Variants in C9 observed in about 807,000 individuals in gnomAD.
C9 encodes the protein complement component C9.
C9 carries 63 observed loss-of-function variants against 65.4 expected under a neutral mutation model. That is an observed-to-expected ratio of 0.96 (90% CI 0.79 to 1.19). The LOEUF is 1.19. Ranked by LOEUF, C9 falls within the 50% of genes most tolerant of loss-of-function variation. The pLI is 0.00. For synonymous variants in C9, 229 were observed against 227.9 expected (o/e 1.00, Z -0.04); for missense variants, 744 against 670.1 (o/e 1.11, Z -1.22).
At chr5:39,301,164 C>A (rs1298579958) in intron 9 of C9, among the ~76,000 whole-genome samples, 1 of 152,082 alleles carries the variant, frequency 6.6e-6, no homozygotes, top group Non-Finnish European at 1.5e-5. Context: ...TAATATGATG[C>A]ACTGAGAATA....
chr5:39,351,341 T>C (rs895644895), intron 1 of C9, among the ~76,000 whole-genome samples: 2 of 152,232 alleles, frequency 1.3e-5, no homozygotes, highest in Non-Finnish European at 2.9e-5. Flanking sequence ...TTGTCTTGGC[T>C]ATTAACATTT....
chr5:39,306,629 G>A lies in C9; in HGVS notation c.1404C>T (p.Leu468=), dbSNP rs779890931. Residue 468 remains leucine (L), a synonymous_variant, in exon 9 of 11, where the codon CTC becomes CTT. Coordinates refer to ENST00000263408, the MANE Select transcript of C9 (RefSeq NM_001737.5). The part of the protein sequence containing the change: ...WASSINDAPV[L]ISQKLSPIYN... ...ACACGTTTCTTACTTTTTGACTAAT[G>A]AGAACAGGAGCATCATTTATGGAAG... 1 of 1,612,806 alleles carries A rather than the reference G, an allele frequency of 6.2e-7. No homozygotes were observed. Among genetic ancestry groups the A allele is most frequent in the South Asian group, 1.1e-5 (1 of 91,060 alleles).
At chr5:39,351,467 C>T (rs1754320745) in intron 1 of C9, among the ~76,000 whole-genome samples, 1 of 152,150 alleles carries the variant, frequency 6.6e-6, no homozygotes, top group Non-Finnish European at 1.5e-5. Flanking sequence ...TTACACATTC[C>T]TTCCCATTTA....
At chr5:39,325,360 A>T (rs550445063) in intron 5 of C9, among the ~76,000 whole-genome samples, 3 of 152,242 alleles carry the variant, frequency 2.0e-5, no homozygotes, top group East Asian at 3.9e-4. Context: ...CATCTCTATT[A>T]TCTATAGAAT....
chr5:39,354,355 T>TTAAAAA (rs1754377882), intron 1 of C9, among the ~76,000 whole-genome samples: 2 of 152,164 alleles, frequency 1.3e-5, no homozygotes, highest in Non-Finnish European at 2.9e-5. Flanking sequence ...AAAATAGGAA[T>TTAAAAA]TGTAAAATTG....
intron 9 of C9, among the ~76,000 whole-genome samples, chr5:39,302,757 A>AG (rs1435966199): frequency 6.6e-6 from 1 of 152,156 alleles, no homozygotes; most frequent in Non-Finnish European, 1.5e-5. Flanking sequence ...TCATGCCAGG[A>AG]GGACCCATCC....
chr5:39,305,945 G>A (rs1753365896), intron 9 of C9, among the ~76,000 whole-genome samples: 1 of 152,078 alleles, frequency 6.6e-6, no homozygotes, highest in Non-Finnish European at 1.5e-5. Flanking sequence ...CAGATCACTT[G>A]AGGCCAGGAG....
At chr5:39,326,347 A>G (rs1231588471) in intron 5 of C9, among the ~76,000 whole-genome samples, 2 of 152,210 alleles carry the variant, frequency 1.3e-5, no homozygotes, top group Non-Finnish European at 2.9e-5. Context: ...TAATTTCTTA[A>G]TTCTTAAATA....
At chr5:39,324,185 A>T (rs1753709559) in intron 5 of C9, among the ~76,000 whole-genome samples, 1 of 152,250 alleles carries the variant, frequency 6.6e-6, no homozygotes, top group African/African-American at 2.4e-5. Context: ...CAATGGAAAG[A>T]TATCCAATAT....
At chr5:39,290,635 C>G (rs557548) in intron 9 of C9, among the ~76,000 whole-genome samples, 149,439 of 151,932 alleles carry the variant, frequency 0.98, 73,549 homozygotes, top group East Asian at 1. Flanking sequence ...ATGCCCTGGA[C>G]AACTAATAAG....
At chr5:39,336,567 T>G (rs1017511813) in intron 4 of C9, among the ~76,000 whole-genome samples, 10 of 152,144 alleles carry the variant, frequency 6.6e-5, no homozygotes, top group African/African-American at 2.4e-4. Context: ...AAAGCTATCT[T>G]AATGAAATGA....
intron 5 of C9, among the ~76,000 whole-genome samples, chr5:39,318,268 C>T (rs1753606794): frequency 6.6e-6 from 1 of 152,094 alleles, no homozygotes; most frequent in South Asian, 2.1e-4. Context: ...ACGGGGTTTT[C>T]TAAATATAGG....
At chr5:39,310,275 G>T (rs571607767) in intron 7 of C9, among the ~76,000 whole-genome samples, 2 of 152,122 alleles carry the variant, frequency 1.3e-5, no homozygotes, top group South Asian at 4.2e-4. Flanking sequence ...CCATTAAAGT[G>T]GTTTTTAGCA....
At chr5:39,318,059 A>G (rs563709376) in intron 5 of C9, among the ~76,000 whole-genome samples, 1 of 151,406 alleles carries the variant, frequency 6.6e-6, no homozygotes, top group Non-Finnish European at 1.5e-5. Context: ...GAGGTCCTTC[A>G]CTTGCTTTGT....
At chr5:39,311,460 A>G (rs1753484111) in intron 6 of C9, 83 bp from the exon 7 acceptor site, 4 of 1,353,152 alleles carry the variant, frequency 3.0e-6, no homozygotes, top group Non-Finnish European at 3.1e-6. Context: ...TAGAACTTCC[A>G]TAGGCACTAA....
intron 5 of C9, 95 bp from the exon 6 acceptor site, chr5:39,316,124 G>T: frequency 9.4e-7 from 1 of 1,066,742 alleles, no homozygotes; most frequent in Non-Finnish European, 1.4e-6. Flanking sequence ...ACAATTCTTT[G>T]AAAGGCAGTA....
intron 9 of C9, among the ~76,000 whole-genome samples, chr5:39,290,943 T>G (rs192172696): frequency 2.2e-4 from 34 of 152,100 alleles, no homozygotes; most frequent in Admixed American, 2.0e-3. Context: ...TTAGTGGGGA[T>G]GCTGGAAGCT....
intron 4 of C9, among the ~76,000 whole-genome samples, chr5:39,336,344 G>A (rs1753964591): frequency 1.3e-5 from 2 of 151,822 alleles, no homozygotes; most frequent in Admixed American, 1.3e-4. Flanking sequence ...TTCCCTCACA[G>A]AATTTTAACC....
intron 9 of C9, among the ~76,000 whole-genome samples, chr5:39,300,504 A>G (rs942845536): frequency 5.9e-5 from 9 of 152,074 alleles, no homozygotes; most frequent in African/African-American, 2.2e-4. Flanking sequence ...AACTAATCCA[A>G]ACAAAACTTG....
Sources: gnomAD v4.1 joint callset for allele counts (sites outside exome capture counted in the v4.1 genomes callset) on GRCh38, gnomAD v4.1.1 for gene constraint, MANE v1.5 for transcripts, NCBI Gene and HGNC (gene_info 2026-07-23, HGNC 2026-07-21) for gene names.